LHFPL3: variants seen among roughly 807,000 people sequenced by gnomAD.
The protein encoded by LHFPL3 is LHFPL tetraspan subfamily member 3.
LHFPL3 carries 5 observed loss-of-function variants against 19.3 expected under a neutral mutation model. That is an observed-to-expected ratio of 0.26 (90% CI 0.14 to 0.54). LHFPL3 has a LOEUF of 0.54. Ranked by LOEUF, LHFPL3 falls within the 20% of genes least tolerant of loss-of-function variation. The pLI, the probability that LHFPL3 is intolerant of heterozygous loss-of-function variation, is 0.94. For missense variants in LHFPL3, 249 were observed against 307.4 expected (o/e 0.81, Z 1.42); for synonymous variants, 133 against 126.2 (o/e 1.05, Z -0.36).
In LHFPL3 at chr7:104,760,543, C is replaced by T. The variant is rs78308074; in HGVS notation, c.682+23632C>T. 1.3e-3 allele frequency among the ~76,000 whole-genome samples: 203 copies of T among 152,274 alleles called. 2 individuals carry two copies. In the East Asian group the frequency reaches 0.03, roughly 23 times the overall value. ...AAGTACACACACTTTGAAGTCATCA[C>T]TATTTACTTTTGAAAAATTCATATG... On this transcript the variant is annotated intron_variant, in intron 2 of 2. Coordinates refer to ENST00000424859, the MANE Select transcript of LHFPL3 (RefSeq NM_199000.3).
intron 1 of LHFPL3, among the ~76,000 whole-genome samples, chr7:104,431,839 G>C (rs1015739151): frequency 6.6e-6 from 1 of 152,162 alleles, no homozygotes; most frequent in East Asian, 1.9e-4. Flanking sequence ...AAGGCTTAGG[G>C]TTTTCCTCTG....
intron 1 of LHFPL3, among the ~76,000 whole-genome samples, chr7:104,428,341 T>C (rs1791887712): frequency 6.6e-6 from 1 of 152,168 alleles, no homozygotes; most frequent in Non-Finnish European, 1.5e-5. Context: ...TGCATGCTAT[T>C]GTCTAACTAA....
intron 2 of LHFPL3, among the ~76,000 whole-genome samples, chr7:104,840,325 T>TC (rs1554350084): frequency 2.0e-5 from 3 of 148,038 alleles, no homozygotes; most frequent in Non-Finnish European, 3.0e-5. Flanking sequence ...TTTTTTTTTT[T>TC]CTCCTTTTGA....
chr7:104,605,704 T>C lies in LHFPL3; in HGVS notation c.446-130971T>C, dbSNP rs17139109. On this transcript the variant is annotated intron_variant, in intron 1 of 2. Transcript: ENST00000424859. ...TTTTCACTTTATAACCCTCAAATCA[T>C]ATTTTTGGTATTCAGTTTACAGATA... Among the ~76,000 whole-genome samples the C allele has an allele frequency of 4.0e-3, 615 of 152,306 alleles. 35 individuals are homozygous for C. The East Asian group carries it at 0.099, about 25-fold the overall frequency.
chr7:104,421,307 C>A lies in LHFPL3; in HGVS notation c.445+92083C>A, dbSNP rs529598225. On this transcript the variant is annotated intron_variant, in intron 1 of 2. Transcript: ENST00000424859. ...AAAAAAGACAAGGTATAGGCAAATT[C>A]AAGTGAAAGTAGGGAAGAGAAAAGG... Among the ~76,000 whole-genome samples the A allele has an allele frequency of 3.3e-5, 5 of 152,252 alleles. No homozygotes were observed. The East Asian group carries it at 9.6e-4, about 29-fold the overall frequency.
chr7:104,580,731 G>A (rs190675802), intron 1 of LHFPL3, among the ~76,000 whole-genome samples: 1 of 152,046 alleles, frequency 6.6e-6, no homozygotes, highest in African/African-American at 2.4e-5. Flanking sequence ...TCAGCAACTT[G>A]TCTTGATTTT....
At chr7:104,557,339 G>T (rs764680491) in intron 1 of LHFPL3, among the ~76,000 whole-genome samples, 7 of 152,154 alleles carry the variant, frequency 4.6e-5, no homozygotes, top group Non-Finnish European at 1.0e-4. Context: ...CACAATCATG[G>T]CAGAAGGCAA....
intron 2 of LHFPL3, among the ~76,000 whole-genome samples, chr7:104,847,330 G>C (rs968908531): frequency 1.3e-5 from 2 of 152,316 alleles, no homozygotes; most frequent in East Asian, 1.9e-4. Context: ...GAGGCAGTCA[G>C]AGAATAATTC....
At chr7:104,506,928 T>C (rs1005100981) in intron 1 of LHFPL3, among the ~76,000 whole-genome samples, 3 of 152,176 alleles carry the variant, frequency 2.0e-5, no homozygotes, top group Admixed American at 6.6e-5. Context: ...AGGGAAGTAA[T>C]ATAAGTAGCT....
chr7:104,561,734 G>A (rs1475671962), intron 1 of LHFPL3, among the ~76,000 whole-genome samples: 5 of 152,002 alleles, frequency 3.3e-5, no homozygotes. Flanking sequence ...TATGATGTTA[G>A]CTGGTTATTT....
chr7:104,429,192 A>G (rs1435284743), intron 1 of LHFPL3, among the ~76,000 whole-genome samples: 16 of 152,218 alleles, frequency 1.1e-4, no homozygotes, highest in Admixed American at 4.6e-4. Flanking sequence ...ACTTGGGCCC[A>G]CAACTGCCCT....
At chr7:104,837,150 C>CT (rs1196136304) in intron 2 of LHFPL3, among the ~76,000 whole-genome samples, 3 of 152,182 alleles carry the variant, frequency 2.0e-5, no homozygotes, top group African/African-American at 7.2e-5. Context: ...ACTTAGTCTA[C>CT]TTGTCTCTAA....
chr7:104,565,819 C>G (rs1409991994), intron 1 of LHFPL3, among the ~76,000 whole-genome samples: 1 of 151,766 alleles, frequency 6.6e-6, no homozygotes, highest in African/African-American at 2.4e-5. Flanking sequence ...ACAATTTTGC[C>G]ATATGACCTA....
chr7:104,889,200 A>C (rs1432298764), intron 2 of LHFPL3, among the ~76,000 whole-genome samples: 1 of 152,256 alleles, frequency 6.6e-6, no homozygotes, highest in African/African-American at 2.4e-5. Context: ...TAGTATTTAG[A>C]CTACTGAAGT....
chr7:104,824,415 T>A (rs373997329), intron 2 of LHFPL3, among the ~76,000 whole-genome samples: 3 of 43,072 alleles, frequency 7.0e-5, no homozygotes, highest in South Asian at 8.7e-4. Context: ...TAATATATAT[T>A]TTATATATAA....
At chr7:104,564,106 A>G (rs1398363899) in intron 1 of LHFPL3, among the ~76,000 whole-genome samples, 1 of 152,172 alleles carries the variant, frequency 6.6e-6, no homozygotes, top group Non-Finnish European at 1.5e-5. Flanking sequence ...TGTATAAAAG[A>G]GAAAACTCAA....
chr7:104,760,700 T>A (rs1794356737), intron 2 of LHFPL3, among the ~76,000 whole-genome samples: 1 of 152,214 alleles, frequency 6.6e-6, no homozygotes, highest in Non-Finnish European at 1.5e-5. Context: ...GATTGTATTT[T>A]AACCACCGAT....
intron 2 of LHFPL3, among the ~76,000 whole-genome samples, chr7:104,804,722 C>T (rs2470955): frequency 0.65 from 98,040 of 151,904 alleles, 32,387 homozygotes; most frequent in East Asian, 0.91. Context: ...AATGCAGTAG[C>T]TCTCAAAGTA....
In LHFPL3 at chr7:104,556,344, A is replaced by T. The variant is rs1789833339; in HGVS notation, c.446-180331A>T. Among the ~76,000 whole-genome samples the T allele has an allele frequency of 2.0e-5, 3 of 152,252 alleles. No homozygotes were observed. In the South Asian group the frequency reaches 6.2e-4, roughly 32 times the overall value. ...CCTGGGCATCCAGGTGTTTCCATAT[A>T]TCCTCTGAAATCTAGGCAGAGGTTC... is the stretch of plus-strand genomic sequence containing the variant. On this transcript the variant is annotated intron_variant, in intron 1 of 2. Coordinates refer to ENST00000424859, the MANE Select transcript of LHFPL3 (RefSeq NM_199000.3).
Sources: gnomAD v4.1 joint callset for allele counts (sites outside exome capture counted in the v4.1 genomes callset) on GRCh38, gnomAD v4.1.1 for gene constraint, MANE v1.5 for transcripts, NCBI Gene and HGNC (gene_info 2026-07-23, HGNC 2026-07-21) for gene names.